Variants in DPYD observed in about 807,000 individuals in gnomAD.
DPYD encodes dihydropyrimidine dehydrogenase [NADP(+)].
In DPYD, 109 loss-of-function variants were observed where a neutral mutation model predicts 116.2. The observed-to-expected ratio is 0.94, with a 90% CI of 0.80 to 1.10. The LOEUF is 1.10. Ranked by LOEUF, DPYD falls within the 50% of genes least tolerant of loss-of-function variation. The pLI is 0.00. For missense variants in DPYD, 1,302 were observed against 1,254.5 expected, an observed-to-expected ratio of 1.04 and a Z score of -0.57; for synonymous variants, 440 against 432.0, an observed-to-expected ratio of 1.02 and a Z score of -0.23.
Position 97,193,072 on chromosome 1 carries a change from G to T in DPYD, c.2619C>A (p.Asp873Glu). 6.2e-7 allele frequency: 1 copy of T among 1,613,850 alleles called. No individual in the cohort carries two copies. The highest frequency in any genetic ancestry group is 8.5e-7 in the Non-Finnish European group (1 of 1,179,824). ...CACAGGAGATTTAAGCACATACCTT[G>T]TCCATGAGTTCAGCTATACGTGGAA... The part of the protein sequence containing the change: ...KPVPRIAELM[D>E]KKLPSFGPYL... The change falls in exon 20 of 23, where the codon GAC (aspartate) becomes GAA (glutamate). Residue 873 changes from aspartate (D) to glutamate (E), a missense_variant. By Grantham distance (45) the Asp-to-Glu change is conservative (BLOSUM62 2). Coordinates refer to ENST00000370192, the MANE Select transcript of DPYD (RefSeq NM_000110.4).
chr1:97,285,935 T>A (rs965747564), intron 18 of DPYD, among the ~76,000 whole-genome samples: 1 of 152,204 alleles, frequency 6.6e-6, no homozygotes, highest in Non-Finnish European at 1.5e-5. Flanking sequence ...AAGTTAATAT[T>A]GTTATGTGTG....
At chr1:97,490,470 T>C (rs144700325) in intron 13 of DPYD, among the ~76,000 whole-genome samples, 3,523 of 94,332 alleles carry the variant, frequency 0.037, 146 homozygotes, top group African/African-American at 0.12. Context: ...TTATATACTA[T>C]AATAGTATAT....
At chr1:97,649,473 A>C (rs564357457) in intron 8 of DPYD, among the ~76,000 whole-genome samples, 1 of 152,220 alleles carries the variant, frequency 6.6e-6, no homozygotes, top group South Asian at 2.1e-4. Flanking sequence ...GTACATGAAT[A>C]AGTTACTTAA....
chr1:97,445,229 G>C (rs1162254725), intron 14 of DPYD, among the ~76,000 whole-genome samples: 1 of 152,156 alleles, frequency 6.6e-6, no homozygotes, highest in Non-Finnish European at 1.5e-5. Context: ...CCTAATAAGG[G>C]ACTACAAACC....
rs11804848 is a variant in DPYD at position 97,434,777 on chromosome 1, A to G, written c.1905+15282T>C. Among the ~76,000 whole-genome samples, 666 of 152,200 alleles carry G rather than the reference A, an allele frequency of 4.4e-3. 7 individuals are homozygous for G. The highest frequency in any genetic ancestry group is 0.016 in the African/African-American group (649 of 41,574). Reference sequence around the variant, plus strand: ...TATGCATAGTTTTATTTAAGAAAATACAGTTTCTTAGCAGAACAGTGGGGA... The same window carrying G: ...TATGCATAGTTTTATTTAAGAAAATGCAGTTTCTTAGCAGAACAGTGGGGA... On this transcript the variant is annotated intron_variant, in intron 14 of 22. Transcript: ENST00000370192.
intron 1 of DPYD, among the ~76,000 whole-genome samples, chr1:97,901,713 C>A (rs1002859126): frequency 9.9e-5 from 15 of 151,752 alleles, no homozygotes; most frequent in African/African-American, 3.6e-4. Flanking sequence ...GACATATAAG[C>A]AGCAACAATA....
intron 2 of DPYD, among the ~76,000 whole-genome samples, chr1:97,846,892 A>G (rs1398481208): frequency 6.6e-6 from 1 of 152,210 alleles, no homozygotes; most frequent in Non-Finnish European, 1.5e-5. Flanking sequence ...GTATGTTTTC[A>G]TAACAGAAAT....
chr1:97,291,641 A>G (rs1666181985), intron 18 of DPYD, among the ~76,000 whole-genome samples: 1 of 151,922 alleles, frequency 6.6e-6, no homozygotes, highest in Non-Finnish European at 1.5e-5. Context: ...GAACAATGAG[A>G]ACACATGGAC....
At chr1:97,652,141 AAAAAAAG>A (rs1557862086) in intron 8 of DPYD, among the ~76,000 whole-genome samples, 8 of 152,098 alleles carry the variant, frequency 5.3e-5, no homozygotes, top group Admixed American at 5.2e-4. Context: ...CATATAACCT[AAAAAAAG>A]GACAACTGAT....
chr1:97,624,462 A>T (rs1656808248), intron 8 of DPYD, among the ~76,000 whole-genome samples: 1 of 152,076 alleles, frequency 6.6e-6, no homozygotes, highest in Non-Finnish European at 1.5e-5. Flanking sequence ...TAAAAAGATG[A>T]AAGATAACAA....
chr1:97,558,271 T>C (rs575856198), intron 11 of DPYD, among the ~76,000 whole-genome samples: 1 of 152,180 alleles, frequency 6.6e-6, no homozygotes, highest in Non-Finnish European at 1.5e-5. Context: ...TAAGTTCAGA[T>C]AACTTATTTA....
At chr1:97,705,188 T>A (rs1056584958) in intron 5 of DPYD, among the ~76,000 whole-genome samples, 2 of 151,874 alleles carry the variant, frequency 1.3e-5, no homozygotes, top group African/African-American at 2.4e-5. Context: ...ACGTGCAGGT[T>A]TGTTACATAT....
chr1:97,374,300 T>C (rs1671473843), intron 15 of DPYD, among the ~76,000 whole-genome samples: 2 of 152,244 alleles, frequency 1.3e-5, no homozygotes, highest in Non-Finnish European at 2.9e-5. Context: ...AATTCCTTGA[T>C]ATACAAATAG....
Position 97,196,187 on chromosome 1 carries a change from C to T in DPYD, c.2443-2939G>A, listed in dbSNP as rs571140552. Among the ~76,000 whole-genome samples the T allele has an allele frequency of 4.6e-5, 7 of 152,214 alleles. No individual in the cohort carries two copies. The East Asian group carries it at 1.2e-3, about 25-fold the overall frequency. On this transcript the variant is annotated intron_variant, in intron 19 of 22. Coordinates refer to ENST00000370192, the MANE Select transcript of DPYD (RefSeq NM_000110.4). ...CAATCATAGCTCAGTGTAGCCTCAA[C>T]CTCCTGAGCTCAAGCAATCCTCTCA...
intron 13 of DPYD, among the ~76,000 whole-genome samples, chr1:97,486,158 T>TA (rs1553182692): frequency 7.4e-6 from 1 of 135,786 alleles, no homozygotes; most frequent in African/African-American, 2.8e-5. Flanking sequence ...AGTGACTAAT[T>TA]AAAGTATAAT....
intron 13 of DPYD, among the ~76,000 whole-genome samples, chr1:97,496,316 T>C (rs963387055): frequency 3.3e-5 from 5 of 152,040 alleles, no homozygotes; most frequent in Non-Finnish European, 5.9e-5. Flanking sequence ...CTCTCCACTC[T>C]ATCCTCAACA....
At chr1:97,252,104 C>T (rs1663141757) in intron 18 of DPYD, among the ~76,000 whole-genome samples, 1 of 138,850 alleles carries the variant, frequency 7.2e-6, no homozygotes, top group South Asian at 2.1e-4. Flanking sequence ...ATATTTGGCT[C>T]ATAGTTATGT....
intron 3 of DPYD, among the ~76,000 whole-genome samples, chr1:97,819,388 AGTAGT>A (rs1489466537): frequency 6.6e-6 from 1 of 151,988 alleles, no homozygotes; most frequent in Non-Finnish European, 1.5e-5. Flanking sequence ...AAACTTTTCA[AGTAGT>A]TAAAATATAC....
intron 2 of DPYD, among the ~76,000 whole-genome samples, chr1:97,832,045 T>TG (rs1669562760): frequency 1.5e-5 from 2 of 133,950 alleles, no homozygotes; most frequent in Admixed American, 7.8e-5. Context: ...ATATAATGTA[T>TG]TGTGTGTGTG....
Sources: allele counts gnomAD v4.1 joint callset (sites outside exome capture counted in the v4.1 genomes callset), GRCh38; gene constraint gnomAD v4.1.1; transcripts MANE v1.5; gene names NCBI Gene and HGNC (gene_info 2026-07-23, HGNC 2026-07-21).